Variants in DHX40 observed in about 807,000 individuals in gnomAD.
DHX40 encodes DEAH-box helicase 40, also known as probable ATP-dependent RNA helicase DHX40.
In DHX40, 28 loss-of-function variants were observed where a neutral mutation model predicts 89.6. That is an observed-to-expected ratio of 0.31 (90% CI 0.23 to 0.43). The LOEUF is 0.43. DHX40 is among the 20% of genes least tolerant of loss of function. DHX40 has a pLI of 1.00. For missense variants in DHX40, 457 were observed against 844.0 expected (o/e 0.54, Z 5.68); for synonymous variants, 226 against 283.6 (o/e 0.80, Z 2.04).
At chr17:59,568,487 C>A (rs542947374) in intron 2 of DHX40, among the ~76,000 whole-genome samples, 2 of 152,240 alleles carry the variant, frequency 1.3e-5, no homozygotes, top group East Asian at 3.9e-4. Context: ...ATGCCTGAAA[C>A]TGCCAATAAT....
Position 59,591,845 on chromosome 17 carries a change from A to G in DHX40, c.1582+3792A>G, listed in dbSNP as rs902723711. ...AACAAGGGCAATCTCTCATTTAACC[A>G]TAGTACATTAATCAAAATTCGGAAA... is the stretch of plus-strand genomic sequence containing the variant. On this transcript the variant is annotated intron_variant, in intron 12 of 17. Coordinates refer to ENST00000251241, the MANE Select transcript of DHX40 (RefSeq NM_024612.5). Among the ~76,000 whole-genome samples the G allele has an allele frequency of 9.9e-5, 15 of 151,844 alleles. 1 individual carries two copies. Among genetic ancestry groups the G allele is most frequent in the South Asian group, 6.3e-4 (3 of 4,800 alleles).
chr17:59,586,700 T>C (rs1406458762), intron 11 of DHX40, among the ~76,000 whole-genome samples: 1 of 151,266 alleles, frequency 6.6e-6, no homozygotes, highest in Admixed American at 6.6e-5. Flanking sequence ...CTGCACGGTA[T>C]AATCCCTTTT....
chr17:59,588,882 A>G (rs895998159), intron 12 of DHX40, among the ~76,000 whole-genome samples: 10 of 152,022 alleles, frequency 6.6e-5, no homozygotes, highest in East Asian at 1.9e-4. Flanking sequence ...TTTCTCTTCT[A>G]TTGTCTTTTA....
rs765940889 is a variant in DHX40 at position 59,605,469 on chromosome 17, T to G, written c.1995T>G (p.Leu665=). 7 of 1,613,158 alleles carry G rather than the reference T, an allele frequency of 4.3e-6. No individual in the cohort carries two copies. Among genetic ancestry groups the G allele is most frequent in the Non-Finnish European group, 5.9e-6 (7 of 1,179,208 alleles). The change falls in exon 17 of 18, where the codon CTT becomes CTG. Residue 665 remains leucine, a synonymous_variant. Coordinates refer to ENST00000251241, the MANE Select transcript of DHX40 (RefSeq NM_024612.5). ...AGCTTCATGAACAGGAAACCAAACT[T>G]GAATGGATCATTTTTCATGAGGTAT... ...SSALHEQETK[L]EWIIFHEVLV... is the part of the protein sequence containing the mutation.
intron 3 of DHX40, among the ~76,000 whole-genome samples, chr17:59,571,634 G>T (rs1312289387): frequency 5.4e-5 from 8 of 148,430 alleles, no homozygotes; most frequent in African/African-American, 1.7e-4. Flanking sequence ...ACCATTGCCC[G>T]GGCTGGAGTG....
chr17:59,601,271 T>C (rs1418267027), intron 14 of DHX40, among the ~76,000 whole-genome samples: 4 of 152,140 alleles, frequency 2.6e-5, no homozygotes, highest in African/African-American at 9.7e-5. Flanking sequence ...ATCACACAAC[T>C]TCACTGCAGC....
intron 12 of DHX40, among the ~76,000 whole-genome samples, chr17:59,593,808 A>T (rs2049113611): frequency 6.6e-6 from 1 of 151,950 alleles, no homozygotes; most frequent in Non-Finnish European, 1.5e-5. Context: ...AAAAAAAAAC[A>T]AAAAAACTTT....
At chr17:59,571,908 T>C (rs2048815130) in intron 3 of DHX40, among the ~76,000 whole-genome samples, 1 of 152,176 alleles carries the variant, frequency 6.6e-6, no homozygotes, top group Admixed American at 6.5e-5. Context: ...CAAATTTGCC[T>C]ACTCCGGGTA....
At chr17:59,576,879 T>C (rs1355962888) in intron 7 of DHX40, among the ~76,000 whole-genome samples, 1 of 151,968 alleles carries the variant, frequency 6.6e-6, no homozygotes, top group Admixed American at 6.6e-5. Context: ...TTTTTTTTTT[T>C]TGTTTTTTGA....
At chr17:59,569,874 C>T (rs1048001119) in intron 2 of DHX40, among the ~76,000 whole-genome samples, 168 of 144,898 alleles carry the variant, frequency 1.2e-3, no homozygotes, top group African/African-American at 4.1e-3. Flanking sequence ...GGAAAAAACC[C>T]GTCTCTGCTA....
Position 59,605,589 on chromosome 17 carries a change from T to C in DHX40, c.2115T>C (p.His705=), listed in dbSNP as rs976493340. 1 of 1,614,102 alleles carries C rather than the reference T, an allele frequency of 6.2e-7. No homozygotes were observed. The highest frequency in any genetic ancestry group is 8.5e-7 in the Non-Finnish European group (1 of 1,180,022). ...LLPKLHEFNA[H]DLSSVARREV... ...CCAAGTTGCATGAATTTAATGCACATGATTTGAGCAGTGTGGCCCGACGTG... is the reference window on the plus strand; with the variant it reads ...CCAAGTTGCATGAATTTAATGCACACGATTTGAGCAGTGTGGCCCGACGTG... The change falls in exon 17 of 18, where the codon CAT becomes CAC. Residue 705 remains histidine (H), a synonymous_variant. Coordinates refer to ENST00000251241, the MANE Select transcript of DHX40 (RefSeq NM_024612.5).
intron 12 of DHX40, among the ~76,000 whole-genome samples, chr17:59,589,164 T>C: frequency 6.6e-6 from 1 of 151,854 alleles, no homozygotes; most frequent in Non-Finnish European, 1.5e-5. Context: ...TCATATAAAC[T>C]TTAGAACCAG....
rs779324429 is a variant in DHX40 at position 59,565,695 on chromosome 17, G to A, written c.24G>A (p.Ala8=). 1.9e-6 allele frequency: 3 copies of A among 1,602,526 alleles called. No individual in the cohort carries two copies. Among genetic ancestry groups the A allele is most frequent in the Non-Finnish European group, 2.5e-6 (3 of 1,179,570 alleles). Residue 8 remains alanine, a synonymous_variant, in exon 1 of 18, where the codon GCG becomes GCA. Coordinates refer to ENST00000251241, the MANE Select transcript of DHX40 (RefSeq NM_024612.5). ...CTATGTCCCGGTTTCCCGCAGTCGC[G>A]GGCAGGGCGCCAAGGCGGCAGGAGG... MSRFPAV[A]GRAPRRQEEG...
At chr17:59,592,105 A>T (rs2049092180) in intron 12 of DHX40, among the ~76,000 whole-genome samples, 1 of 151,530 alleles carries the variant, frequency 6.6e-6, no homozygotes, top group South Asian at 2.1e-4. Flanking sequence ...TCCTAGGCTC[A>T]AGCAATCCTC....
At chr17:59,576,047 A>G (rs537412006) in intron 7 of DHX40, among the ~76,000 whole-genome samples, 5 of 136,800 alleles carry the variant, frequency 3.7e-5, no homozygotes, top group African/African-American at 1.1e-4. Context: ...TCGCCACCAC[A>G]CCTGGCTAAG....
intron 14 of DHX40, among the ~76,000 whole-genome samples, chr17:59,601,632 C>G (rs985168649): frequency 5.9e-5 from 9 of 152,114 alleles, no homozygotes; most frequent in African/African-American, 2.2e-4. Flanking sequence ...TGTGTCAGTT[C>G]TAGGTTGATT....
chr17:59,603,796 TGAAATAAATA>T (rs996887068), intron 15 of DHX40: 2 of 152,144 alleles, frequency 1.3e-5, no homozygotes, highest in Admixed American at 1.3e-4. Context: ...GTGAACATAA[TGAAATAAATA>T]AAAATCATGT....
rs1239028056 is a variant in DHX40 at position 59,588,186 on chromosome 17, A to G, written c.1582+133A>G. On this transcript the variant is annotated intron_variant, in intron 12 of 17. Coordinates refer to ENST00000251241, the MANE Select transcript of DHX40 (RefSeq NM_024612.5). ...GCTTGAGGTCAGAAGTTGGAAGACCAGCCTTACCAACATGGTAAAACCCCA... is the reference window on the plus strand; with the variant it reads ...GCTTGAGGTCAGAAGTTGGAAGACCGGCCTTACCAACATGGTAAAACCCCA... 94 of 1,042,774 alleles carry G rather than the reference A, an allele frequency of 9.0e-5. No individual in the cohort carries two copies. The South Asian group carries it at 1.4e-3, about 16-fold the overall frequency. 64.6% of individuals were successfully genotyped at this position (1,042,774 alleles called of 1,614,324 possible). A position where few individuals can be genotyped will look rare whatever the true frequency, so the allele number is the denominator to read the frequency against.
chr17:59,605,239 TA>T, intron 16 of DHX40, 55 bp downstream of exon 16: 1 of 1,527,770 alleles, frequency 6.5e-7, no homozygotes, highest in Non-Finnish European at 9.0e-7. Context: ...TAGAAATAAG[TA>T]ATATACAAAT....
Sources: allele counts gnomAD v4.1 joint callset (sites outside exome capture counted in the v4.1 genomes callset), GRCh38; gene constraint gnomAD v4.1.1; transcripts MANE v1.5; gene names NCBI Gene and HGNC (gene_info 2026-07-23, HGNC 2026-07-21).